NRG3: variants seen among roughly 807,000 people sequenced by gnomAD.
NRG3 encodes neuregulin 3.
A neutral mutation model predicts 66.9 loss-of-function variants in NRG3; 31 were observed. That is an observed-to-expected ratio of 0.46 (90% confidence interval 0.35 to 0.63). The LOEUF is 0.63. Ranked by LOEUF, NRG3 falls within the 20% of genes least tolerant of loss-of-function variation. The probability of loss-of-function intolerance (pLI) is 0.00; values close to 1 mark genes in which losing one functional copy is unlikely to be tolerated. For synonymous variants in NRG3, 393 were observed against 359.4 expected, an observed-to-expected ratio of 1.09 and a Z score of -1.06; for missense variants, 910 against 878.9, an observed-to-expected ratio of 1.04 and a Z score of -0.45.
chr10:82,501,576 T>C (rs1726373549), intron 2 of NRG3, among the ~76,000 whole-genome samples: 1 of 152,128 alleles, frequency 6.6e-6, no homozygotes. Context: ...TCTGGCTTAC[T>C]TATCTGCCAA....
intron 3 of NRG3, among the ~76,000 whole-genome samples, chr10:82,863,355 T>C (rs2064240603): frequency 6.6e-6 from 1 of 152,248 alleles, no homozygotes; most frequent in Non-Finnish European, 1.5e-5. Flanking sequence ...GAATGATTTA[T>C]AATCCTTTGG....
intron 4 of NRG3, among the ~76,000 whole-genome samples, chr10:82,915,823 A>T (rs1845776551): frequency 6.6e-6 from 1 of 152,224 alleles, no homozygotes; most frequent in Admixed American, 6.5e-5. Context: ...TTTTATTATA[A>T]ACATTGGGGA....
At chr10:82,256,054 G>A (rs2077710422) in intron 1 of NRG3, among the ~76,000 whole-genome samples, 3 of 152,098 alleles carry the variant, frequency 2.0e-5, no homozygotes, top group Admixed American at 1.3e-4. Context: ...CTCCCAAGTA[G>A]CTGGGACTAT....
intron 2 of NRG3, among the ~76,000 whole-genome samples, chr10:82,396,795 C>T (rs752777186): frequency 6.6e-6 from 1 of 152,030 alleles, no homozygotes. Context: ...TTGTCCCTCT[C>T]TCACTCTGTG....
intron 1 of NRG3, among the ~76,000 whole-genome samples, chr10:82,334,741 G>A (rs912437683): frequency 6.6e-6 from 1 of 152,164 alleles, no homozygotes; most frequent in East Asian, 1.9e-4. Flanking sequence ...CTGTGTTTGA[G>A]TAATGATAAT....
At chr10:82,350,383 G>T (rs10466183) in intron 1 of NRG3, among the ~76,000 whole-genome samples, 27,599 of 152,116 alleles carry the variant, frequency 0.18, 4,684 homozygotes, top group African/African-American at 0.44. Context: ...GTGATACAGA[G>T]ACTGACTTGC....
At chr10:81,937,081 A>G (rs994428595) in intron 1 of NRG3, among the ~76,000 whole-genome samples, 3 of 152,158 alleles carry the variant, frequency 2.0e-5, no homozygotes, top group Non-Finnish European at 4.4e-5. Context: ...CTCAAGGTTC[A>G]TCCATGTTGT....
chr10:81,957,393 T>G (rs1262901552), intron 1 of NRG3, among the ~76,000 whole-genome samples: 5 of 152,082 alleles, frequency 3.3e-5, no homozygotes, highest in African/African-American at 4.8e-5. Context: ...TACATCATTC[T>G]CTCCCTTGCA....
At chr10:82,949,562 A>G (rs1849323965) in intron 4 of NRG3, among the ~76,000 whole-genome samples, 1 of 152,164 alleles carries the variant, frequency 6.6e-6, no homozygotes, top group Non-Finnish European at 1.5e-5. Flanking sequence ...TTTTACTTAA[A>G]TAGAGATCCT....
At chr10:82,437,093 G>A (rs1043445257) in intron 2 of NRG3, among the ~76,000 whole-genome samples, 12 of 152,116 alleles carry the variant, frequency 7.9e-5, no homozygotes, top group African/African-American at 2.7e-4. Flanking sequence ...GTCTTTCTAG[G>A]TTGGGGAAGT....
chr10:82,209,365 C>T (rs1649936), intron 1 of NRG3, among the ~76,000 whole-genome samples: 11,066 of 151,994 alleles, frequency 0.073, 563 homozygotes, highest in Middle Eastern at 0.14. Context: ...TCAAAAGAAA[C>T]GTCATATTTT....
intron 2 of NRG3, among the ~76,000 whole-genome samples, chr10:82,602,713 C>T (rs2047712351): frequency 6.6e-6 from 1 of 152,102 alleles, no homozygotes. Flanking sequence ...AATAAGTGCT[C>T]AATAACTATT....
At chr10:81,908,755 G>A (rs1004241795) in intron 1 of NRG3, among the ~76,000 whole-genome samples, 4 of 152,186 alleles carry the variant, frequency 2.6e-5, no homozygotes, top group African/African-American at 7.2e-5. Context: ...GGGTCAGACA[G>A]CATGGTTTGA....
intron 1 of NRG3, among the ~76,000 whole-genome samples, chr10:82,194,688 G>C (rs1028382783): frequency 5.3e-5 from 8 of 152,106 alleles, no homozygotes; most frequent in African/African-American, 1.9e-4. Flanking sequence ...GGCACCGGTG[G>C]GAGGACTCTG....
chr10:82,854,998 G>T (rs935720767), intron 3 of NRG3, among the ~76,000 whole-genome samples: 1 of 152,054 alleles, frequency 6.6e-6, no homozygotes, highest in African/African-American at 2.4e-5. Context: ...CTTTCTGTTT[G>T]GTTCCTCTGT....
chr10:82,707,116 T>C (rs1219191334), intron 2 of NRG3, among the ~76,000 whole-genome samples: 18 of 150,754 alleles, frequency 1.2e-4, no homozygotes. Flanking sequence ...AATTTCATCA[T>C]ATAATTATTT....
At position 82,707,335 on chromosome 10, in the gene NRG3, A is replaced by G. The variant is rs7905213; in HGVS notation, c.954-31242A>G. 6.6e-3 allele frequency among the ~76,000 whole-genome samples: 1,005 copies of G among 152,072 alleles called. 8 individuals are homozygous for G. Among genetic ancestry groups the G allele is most frequent in the African/African-American group, 0.022 (911 of 41,502 alleles). ...TTGATATTTTTCAATTTCATTTTAAAGTACCTAGTTGTGGGCTGAGATTTT... is the reference window on the plus strand; with the variant it reads ...TTGATATTTTTCAATTTCATTTTAAGGTACCTAGTTGTGGGCTGAGATTTT... On this transcript the variant is annotated intron_variant, in intron 2 of 8. Coordinates refer to ENST00000372141, the MANE Select transcript of NRG3 (RefSeq NM_001010848.4).
At chr10:81,988,848 A>G (rs775640646) in intron 1 of NRG3, among the ~76,000 whole-genome samples, 6 of 152,042 alleles carry the variant, frequency 3.9e-5, no homozygotes, top group Non-Finnish European at 7.4e-5. Context: ...TGATAAATCA[A>G]TGATGGATTT....
At chr10:82,239,043 T>A (rs2076890147) in intron 1 of NRG3, among the ~76,000 whole-genome samples, 1 of 151,066 alleles carries the variant, frequency 6.6e-6, no homozygotes, top group African/African-American at 2.4e-5. Flanking sequence ...AGATTTAGAT[T>A]TTTATTCCAC....
Sources: allele counts gnomAD v4.1 joint callset (sites outside exome capture counted in the v4.1 genomes callset), GRCh38; gene constraint gnomAD v4.1.1; transcripts MANE v1.5; gene names NCBI Gene and HGNC (gene_info 2026-07-23, HGNC 2026-07-21).